GRM1: variants seen among roughly 807,000 people sequenced by gnomAD.
The protein encoded by GRM1 is glutamate metabotropic receptor 1.
GRM1 carries 33 observed loss-of-function variants against 90.9 expected under a neutral mutation model. The ratio of observed to expected loss-of-function variants is 0.36; its 90% CI spans 0.28 to 0.49. GRM1 has a LOEUF of 0.49. Among genes scored for constraint, GRM1 ranks in the 20% least tolerant of loss-of-function variants. The pLI is 0.99. For synonymous variants in GRM1, 700 were observed against 613.2 expected (o/e 1.14, Z -2.09); for missense variants, 1,190 against 1,534.3 (o/e 0.78, Z 3.75).
At position 146,100,955 on chromosome 6, in the gene GRM1, G is replaced by A. The variant is rs77716768; in HGVS notation, c.701-58393G>A. On this transcript the variant is annotated intron_variant, in intron 1 of 7. Transcript: ENST00000282753. ...TTTAGGGAAAAAATGTTTTTAAAAA[G>A]CTGGGCATGTTGGCAGGCTGCCAAG... Among the ~76,000 whole-genome samples the A allele has an allele frequency of 7.5e-3, 1,148 of 152,254 alleles. 16 individuals are homozygous for A. Among genetic ancestry groups the A allele is most frequent in the African/African-American group, 0.026 (1,063 of 41,550 alleles).
At chr6:146,104,602 A>G (rs1777163730) in intron 1 of GRM1, among the ~76,000 whole-genome samples, 1 of 152,224 alleles carries the variant, frequency 6.6e-6, no homozygotes, top group Admixed American at 6.5e-5. Flanking sequence ...TGGAAGAAGG[A>G]AAACTGGAAT....
intron 3 of GRM1, among the ~76,000 whole-genome samples, chr6:146,349,243 T>TA (rs1785299129): frequency 1.9e-5 from 2 of 107,128 alleles, no homozygotes; most frequent in Non-Finnish European, 4.0e-5. Context: ...TTTTTTTTTT[T>TA]TTATTTTTTT....
chr6:146,357,535 C>T lies in GRM1; in HGVS notation c.1443C>T (p.Ile481=). ...EKGDAPGRYD[I]MNLQYTEANR... ...ATTGTGCTCTTTGTAGGTATGATAT[C>T]ATGAATCTGCAGTACACTGAAGCTA... Residue 481 remains isoleucine, a synonymous_variant, in exon 5 of 8, where the codon ATC becomes ATT. Coordinates refer to ENST00000282753, the MANE Select transcript of GRM1 (RefSeq NM_001278064.2). 2 of 1,612,498 alleles carry T rather than the reference C, an allele frequency of 1.2e-6. No homozygotes were observed. Among genetic ancestry groups the T allele is most frequent in the Non-Finnish European group, 1.7e-6 (2 of 1,178,504 alleles).
chr6:146,177,646 C>A (rs1489649330), intron 2 of GRM1, among the ~76,000 whole-genome samples: 1 of 152,090 alleles, frequency 6.6e-6, no homozygotes, highest in African/African-American at 2.4e-5. Context: ...ATTTAAATGG[C>A]ATCTCTGCCT....
chr6:146,262,084 C>CAA (rs11392952), intron 2 of GRM1, among the ~76,000 whole-genome samples: 10,420 of 101,258 alleles, frequency 0.1, 1,117 homozygotes, highest in African/African-American at 0.25. Flanking sequence ...GAAAACAAAA[C>CAA]AAAAAAAAAA....
In GRM1 at chr6:146,436,210, GA is replaced by G. The variant is rs1778589480; in HGVS notation, c.*1416del. ...ATCTACAGAAGCTCTTTGACGGTTT[GA>G]ATACTATGGCTCAAGGTTTTCATAT... On this transcript the variant is annotated 3_prime_UTR_variant, in exon 8 of 8. Transcript: ENST00000282753. 1 of 152,392 alleles carries G rather than the reference GA, an allele frequency of 6.6e-6. No homozygotes were observed. Among genetic ancestry groups the G allele is most frequent in the Admixed American group, 6.5e-5 (1 of 15,274 alleles). 9.4% of individuals were successfully genotyped at this position (152,392 alleles called of 1,614,324 possible). A position where few individuals can be genotyped will look rare whatever the true frequency, so the allele number is the denominator to read the frequency against.
At chr6:146,166,978 C>T (rs2128893300) in intron 2 of GRM1, among the ~76,000 whole-genome samples, 1 of 152,218 alleles carries the variant, frequency 6.6e-6, no homozygotes, top group East Asian at 1.9e-4. Flanking sequence ...ATTTTGATAA[C>T]TCTACGCAGT....
chr6:146,179,833 A>AT (rs1205270571), intron 2 of GRM1, among the ~76,000 whole-genome samples: 17 of 150,182 alleles, frequency 1.1e-4, no homozygotes, highest in Middle Eastern at 3.4e-3. Flanking sequence ...AGAACCTTTA[A>AT]TTTTTTTTTG....
intron 7 of GRM1, among the ~76,000 whole-genome samples, chr6:146,401,208 C>A (rs1777147132): frequency 6.6e-6 from 1 of 152,084 alleles, no homozygotes; most frequent in Non-Finnish European, 1.5e-5. Flanking sequence ...GTAAAGACAT[C>A]CCTAATTTTC....
intron 2 of GRM1, among the ~76,000 whole-genome samples, chr6:146,194,267 A>G (rs1258374656): frequency 1.3e-5 from 2 of 152,076 alleles, no homozygotes; most frequent in Non-Finnish European, 2.9e-5. Context: ...AGTCTTCATT[A>G]TCCACTAATG....
At chr6:146,104,758 C>T (rs1777170327) in intron 1 of GRM1, among the ~76,000 whole-genome samples, 1 of 152,140 alleles carries the variant, frequency 6.6e-6, no homozygotes, top group African/African-American at 2.4e-5. Context: ...TTCATAAATG[C>T]AACACCATAC....
At chr6:146,234,743 G>T (rs1780575877) in intron 2 of GRM1, among the ~76,000 whole-genome samples, 1 of 151,934 alleles carries the variant, frequency 6.6e-6, no homozygotes, top group African/African-American at 2.4e-5. Flanking sequence ...TGTTTATCTT[G>T]ATTACTAGGT....
At chr6:146,068,703 C>A (rs1265056767) in intron 1 of GRM1, among the ~76,000 whole-genome samples, 1 of 152,142 alleles carries the variant, frequency 6.6e-6, no homozygotes, top group Non-Finnish European at 1.5e-5. Context: ...AGAAAAGCCT[C>A]ATTTATTTCA....
chr6:146,159,563 C>T lies in GRM1; in HGVS notation c.916C>T (p.Leu306Phe), dbSNP rs1233555318. Reference protein sequence around the residue: ...VRGLLSAMRRLGVVGEFSLIG... With the variant: ...VRGLLSAMRRFGVVGEFSLIG... Reference sequence around the variant, plus strand: ...AGGACTCCTGAGCGCCATGCGGCGCCTTGGCGTCGTGGGCGAGTTCTCACT... The same window carrying T: ...AGGACTCCTGAGCGCCATGCGGCGCTTTGGCGTCGTGGGCGAGTTCTCACT... The change falls in exon 2 of 8, where the codon CTT (leucine) becomes TTT (phenylalanine). Residue 306 changes from leucine (L) to phenylalanine (F), a missense_variant. This residue lies in a region of GRM1 where 414 missense variants were observed against 598.4 expected (regional missense o/e 0.69). Transcript: ENST00000282753. 2 of 1,612,812 alleles carry T rather than the reference C, an allele frequency of 1.2e-6. No homozygotes were observed. The highest frequency in any genetic ancestry group is 1.3e-5 in the African/African-American group (1 of 74,900).
At chr6:146,093,591 T>C (rs933096124) in intron 1 of GRM1, among the ~76,000 whole-genome samples, 13 of 152,074 alleles carry the variant, frequency 8.5e-5, no homozygotes, top group African/African-American at 2.7e-4. Flanking sequence ...CTGTTTTATA[T>C]CCTTTTGTGA....
chr6:146,161,177 A>C (rs1034005741), intron 2 of GRM1, among the ~76,000 whole-genome samples: 1 of 152,134 alleles, frequency 6.6e-6, no homozygotes, highest in Non-Finnish European at 1.5e-5. Flanking sequence ...TCATATTTAT[A>C]ATTTACAAAA....
Position 146,152,743 on chromosome 6 carries a change from A to G in GRM1, c.701-6605A>G, listed in dbSNP as rs969588800. ...GAGTCAATGTCTAACATTTCTTGGC[A>G]ACTCTTAAAGGGCAGAGCACAGGGA... On this transcript the variant is annotated intron_variant, in intron 1 of 7. Coordinates refer to ENST00000282753, the MANE Select transcript of GRM1 (RefSeq NM_001278064.2). 3.3e-5 allele frequency among the ~76,000 whole-genome samples: 5 copies of G among 152,342 alleles called. No individual in the cohort carries two copies. The South Asian group carries it at 8.3e-4, about 25-fold the overall frequency.
intron 3 of GRM1, among the ~76,000 whole-genome samples, chr6:146,338,697 G>A (rs777318399): frequency 3.9e-5 from 6 of 152,130 alleles, no homozygotes; most frequent in Non-Finnish European, 7.4e-5. Flanking sequence ...ATAAATATCT[G>A]TTATTATTCC....
intron 2 of GRM1, among the ~76,000 whole-genome samples, chr6:146,221,251 T>C (rs970035333): frequency 1.3e-5 from 2 of 152,150 alleles, no homozygotes; most frequent in African/African-American, 4.8e-5. Flanking sequence ...TGCAGGTTTG[T>C]AACATAGGTA....
Sources: gnomAD v4.1 joint callset for allele counts (sites outside exome capture counted in the v4.1 genomes callset) on GRCh38, gnomAD v4.1.1 for gene constraint, gnomAD v4.1.1 regional missense constraint, MANE v1.5 for transcripts, NCBI Gene and HGNC (gene_info 2026-07-23, HGNC 2026-07-21) for gene names.